The following PARP8 variants were observed in gnomAD, a reference collection of about 807,000 sequenced individuals.
PARP8 encodes protein mono-ADP-ribosyltransferase PARP8.
In PARP8, 51 loss-of-function variants were observed where a neutral mutation model predicts 124.1. The ratio of observed to expected loss-of-function variants is 0.41; its 90% CI spans 0.33 to 0.52. The LOEUF (loss-of-function observed/expected upper bound fraction) is 0.52, where lower values mean the gene tolerates loss of function less well. Among genes scored for constraint, PARP8 ranks in the 20% least tolerant of loss-of-function variants. PARP8 has a pLI of 0.21. For missense variants in PARP8, 860 were observed against 1,018.9 expected, an observed-to-expected ratio of 0.84 and a Z score of 2.12; for synonymous variants, 391 against 361.5, an observed-to-expected ratio of 1.08 and a Z score of -0.93.
intron 2 of PARP8, among the ~76,000 whole-genome samples, chr5:50,726,123 TA>T (rs1448576155): frequency 6.6e-6 from 1 of 152,064 alleles, no homozygotes; most frequent in African/African-American, 2.4e-5. Flanking sequence ...ATTTTTTTTT[TA>T]AATTTTTTAT....
chr5:50,716,119 A>G (rs1186982337), intron 2 of PARP8, among the ~76,000 whole-genome samples: 1 of 152,144 alleles, frequency 6.6e-6, no homozygotes, highest in Non-Finnish European at 1.5e-5. Context: ...ATGTTTCCAC[A>G]TAGAGGCTGA....
intron 14 of PARP8, among the ~76,000 whole-genome samples, chr5:50,805,538 T>G (rs1339807374): frequency 1.3e-5 from 2 of 152,094 alleles, no homozygotes; most frequent in Non-Finnish European, 2.9e-5. Flanking sequence ...TCACAAACAT[T>G]TAATTTAATA....
At chr5:50,830,482 C>T (rs1746827365) in intron 22 of PARP8, among the ~76,000 whole-genome samples, 1 of 152,086 alleles carries the variant, frequency 6.6e-6, no homozygotes, top group African/African-American at 2.4e-5. Context: ...GTGCAGGAGC[C>T]TGGTGAGTTC....
chr5:50,745,624 A>G (rs528525146), intron 2 of PARP8, among the ~76,000 whole-genome samples: 6 of 152,300 alleles, frequency 3.9e-5, no homozygotes, highest in Non-Finnish European at 7.4e-5. Context: ...TAGACAAAGG[A>G]ATGAATTAAG....
intron 23 of PARP8, chr5:50,833,560 T>G (rs1747229882): frequency 6.2e-6 from 2 of 320,442 alleles, no homozygotes; most frequent in Non-Finnish European, 1.2e-5. Context: ...TTCTGTAACC[T>G]CCGTGACCTA....
At chr5:50,815,239 T>G (rs535150378) in intron 14 of PARP8, among the ~76,000 whole-genome samples, 193 bp from the exon 15 acceptor site, 1 of 152,312 alleles carries the variant, frequency 6.6e-6, no homozygotes, top group Admixed American at 6.5e-5. Context: ...TTTTTTACTC[T>G]ATATTAGTAA....
chr5:50,767,386 T>G (rs1761156925), intron 7 of PARP8, among the ~76,000 whole-genome samples: 1 of 152,064 alleles, frequency 6.6e-6, no homozygotes, highest in Non-Finnish European at 1.5e-5. Flanking sequence ...ACAGTCTGAC[T>G]CTGAAAATCA....
intron 2 of PARP8, among the ~76,000 whole-genome samples, chr5:50,706,042 C>T (rs557237833): frequency 6.6e-6 from 1 of 152,270 alleles, no homozygotes; most frequent in Admixed American, 6.5e-5. Context: ...TTAAGATATG[C>T]TCCTGCTTAA....
In PARP8 at chr5:50,796,977, T is replaced by A. The variant is rs755442023; in HGVS notation, c.1429-5T>A. 1 of 1,604,556 alleles carries A rather than the reference T, an allele frequency of 6.2e-7. No homozygotes were observed. On this transcript the variant is annotated splice_polypyrimidine_tract_variant and splice_region_variant and intron_variant, in intron 12 of 25. Coordinates refer to ENST00000281631, the MANE Select transcript of PARP8 (RefSeq NM_024615.4). ...TATCATTTTTTTTTACTTTGCTTTT[T>A]ATAGCCAAATGGTGCAAAATGCATT...
In PARP8 at chr5:50,668,060, T is replaced by C. The variant is rs1167635123; in HGVS notation, c.92-11T>C. The C allele has an allele frequency of 6.2e-7, 1 of 1,611,972 alleles. No individual in the cohort carries two copies. Among genetic ancestry groups the C allele is most frequent in the Non-Finnish European group, 8.5e-7 (1 of 1,179,996 alleles). Reference sequence around the variant, plus strand: ...TCCAGGGGTAGCTTTTGACGGGACTTTCTGTTTCAGATTTCAGATACTCTG... The same window carrying C: ...TCCAGGGGTAGCTTTTGACGGGACTCTCTGTTTCAGATTTCAGATACTCTG... On this transcript the variant is annotated splice_polypyrimidine_tract_variant and intron_variant, in intron 1 of 25. Coordinates refer to ENST00000281631, the MANE Select transcript of PARP8 (RefSeq NM_024615.4).
At chr5:50,771,105 A>G (rs154139) in intron 7 of PARP8, among the ~76,000 whole-genome samples, 1 of 149,000 alleles carries the variant, frequency 6.7e-6, no homozygotes, top group East Asian at 1.9e-4. Flanking sequence ...CTCTCTCTCT[A>G]TATATATATA....
chr5:50,668,230 T>TAA (rs1749588605), intron 2 of PARP8, 105 bp downstream of exon 2: 1 of 1,070,320 alleles, frequency 9.3e-7, no homozygotes, highest in African/African-American at 1.6e-5. Context: ...GTTTGTTTGA[T>TAA]TATTGTGGCT....
At chr5:50,762,735 T>C (rs185024725) in intron 6 of PARP8, among the ~76,000 whole-genome samples, 36 of 152,338 alleles carry the variant, frequency 2.4e-4, no homozygotes, top group Admixed American at 1.8e-3. Flanking sequence ...TTTCTAGCAA[T>C]AAGATAGTTT....
chr5:50,789,033 A>G (rs750042118), intron 10 of PARP8, among the ~76,000 whole-genome samples: 37 of 152,078 alleles, frequency 2.4e-4, no homozygotes, highest in Non-Finnish European at 4.3e-4. Context: ...TTTCTCTCTT[A>G]CTGGGCTCTA....
intron 17 of PARP8, 83 bp from the exon 18 acceptor site, chr5:50,824,825 A>T: frequency 9.1e-7 from 1 of 1,096,460 alleles, no homozygotes. Context: ...GATTAGGCAT[A>T]TCGTTTGGTC....
At chr5:50,754,344 C>G (rs991687381) in intron 3 of PARP8, among the ~76,000 whole-genome samples, 5 of 151,594 alleles carry the variant, frequency 3.3e-5, no homozygotes, top group African/African-American at 9.7e-5. Flanking sequence ...GCCTCCCACC[C>G]CACAACAGGC....
chr5:50,734,556 AG>A (rs1757297748), intron 2 of PARP8, among the ~76,000 whole-genome samples: 1 of 152,192 alleles, frequency 6.6e-6, no homozygotes, highest in Non-Finnish European at 1.5e-5. Flanking sequence ...TATATTTACT[AG>A]TATATAAAAT....
At chr5:50,697,912 AC>A (rs1753199706) in intron 2 of PARP8, among the ~76,000 whole-genome samples, 2 of 152,174 alleles carry the variant, frequency 1.3e-5, no homozygotes, top group Admixed American at 6.5e-5. Context: ...GAAAATAACC[AC>A]TGTGCTGGTC....
chr5:50,807,766 C>T (rs955427599), intron 14 of PARP8, among the ~76,000 whole-genome samples: 1 of 152,040 alleles, frequency 6.6e-6, no homozygotes, highest in Non-Finnish European at 1.5e-5. Flanking sequence ...ACTTGGCAAT[C>T]GTTCTATGTG....
Sources: allele counts gnomAD v4.1 joint callset (sites outside exome capture counted in the v4.1 genomes callset), GRCh38; gene constraint gnomAD v4.1.1; transcripts MANE v1.5; gene names NCBI Gene and HGNC (gene_info 2026-07-23, HGNC 2026-07-21).